SCGN: variants seen among roughly 807,000 people sequenced by gnomAD.
SCGN encodes secretagogin, EF-hand calcium binding protein, also known as secretagogin.
Under a neutral mutation model 39.7 loss-of-function variants are expected in SCGN, and 30 were observed. That is an observed-to-expected ratio of 0.76 (90% CI 0.57 to 1.03). The LOEUF (loss-of-function observed/expected upper bound fraction) is 1.03, where lower values mean the gene tolerates loss of function less well. SCGN is among the 50% of genes least tolerant of loss of function. The probability of loss-of-function intolerance (pLI) is 0.00; values close to 1 mark genes in which losing one functional copy is unlikely to be tolerated. For synonymous variants in SCGN, 106 were observed against 114.1 expected, an observed-to-expected ratio of 0.93 and a Z score of 0.45; for missense variants, 353 against 349.4, an observed-to-expected ratio of 1.01 and a Z score of -0.08.
At chr6:25,669,909 C>A in intron 5 of SCGN, 90 bp from the exon 6 acceptor site, 1 of 1,025,492 alleles carries the variant, frequency 9.8e-7, no homozygotes, top group South Asian at 1.4e-5. Context: ...TGGAAACAAG[C>A]AACTCACAAT....
At chr6:25,661,731 T>G in intron 3 of SCGN, 87 bp downstream of exon 3, 1 of 867,578 alleles carries the variant, frequency 1.2e-6, no homozygotes, top group Non-Finnish European at 1.8e-6. Context: ...TAATATTCTT[T>G]GAAAGACAAT....
chr6:25,689,475 T>G lies in SCGN; in HGVS notation c.576T>G (p.Ala192=). 1 of 1,613,052 alleles carries G rather than the reference T, an allele frequency of 6.2e-7. No homozygotes were observed. The highest frequency in any genetic ancestry group is 8.5e-7 in the Non-Finnish European group (1 of 1,179,018). The change falls in exon 9 of 11, where the codon GCT becomes GCG. Residue 192 remains alanine (A), a splice_region_variant and synonymous_variant. Transcript: ENST00000377961. ...ENFLLQFKMD[A]CSTEERKRDF... is the part of the protein sequence containing the mutation. ...CATAATGTTTTTTCCTTACACAGGC[T>G]TGTTCTACTGAAGAAAGGAAAAGGG...
intron 3 of SCGN, among the ~76,000 whole-genome samples, chr6:25,661,954 T>G (rs947601997): frequency 1.3e-5 from 2 of 152,200 alleles, no homozygotes; most frequent in Non-Finnish European, 2.9e-5. Context: ...TGATCTACTA[T>G]TTGTCTCTTT....
chr6:25,666,528 C>A (rs1760428026), intron 4 of SCGN, among the ~76,000 whole-genome samples: 1 of 152,130 alleles, frequency 6.6e-6, no homozygotes. Context: ...ATGATATATT[C>A]ATATAATTCA....
chr6:25,669,984 C>T lies in SCGN; in HGVS notation c.394-15C>T. 6.2e-7 allele frequency: 1 copy of T among 1,608,344 alleles called. No individual in the cohort carries two copies. ...GCTCACTATATAAAGTATGATTCTT[C>T]TCTTGGCGCCACAGAACTTCCTCCG... On this transcript the variant is annotated splice_polypyrimidine_tract_variant and intron_variant, in intron 5 of 10. Transcript: ENST00000377961.
intron 6 of SCGN, among the ~76,000 whole-genome samples, chr6:25,677,143 C>T (rs1236551952): frequency 1.3e-5 from 2 of 152,082 alleles, no homozygotes; most frequent in South Asian, 4.2e-4. Context: ...ACAATGTCTT[C>T]CTCTCTTCTC....
At chr6:25,688,358 G>A (rs1759731298) in intron 7 of SCGN, among the ~76,000 whole-genome samples, 1 of 152,158 alleles carries the variant, frequency 6.6e-6, no homozygotes, top group African/African-American at 2.4e-5. Context: ...TGAAGTCTCT[G>A]CTAGGTTAGT....
chr6:25,690,494 G>C (rs1759761738), intron 9 of SCGN, among the ~76,000 whole-genome samples: 1 of 152,090 alleles, frequency 6.6e-6, no homozygotes, highest in South Asian at 2.1e-4. Context: ...TGGAACTTTA[G>C]AGAAGAAACA....
intron 3 of SCGN, among the ~76,000 whole-genome samples, chr6:25,663,358 G>A (rs776338546): frequency 6.6e-6 from 1 of 152,194 alleles, no homozygotes; most frequent in Non-Finnish European, 1.5e-5. Context: ...GTAGGTTGAT[G>A]GGAAAAGCAT....
chr6:25,665,635 C>T (rs1324258919), intron 4 of SCGN, among the ~76,000 whole-genome samples: 1 of 152,130 alleles, frequency 6.6e-6, no homozygotes, highest in Non-Finnish European at 1.5e-5. Flanking sequence ...TGAAAAACAA[C>T]CAGGGAAGGG....
intron 6 of SCGN, among the ~76,000 whole-genome samples, chr6:25,677,826 A>G (rs1759585019): frequency 6.6e-6 from 1 of 152,310 alleles, no homozygotes; most frequent in Admixed American, 6.5e-5. Context: ...AAAATTCTTC[A>G]CTAAGAATTG....
At chr6:25,669,474 T>C in intron 4 of SCGN, 37 bp from the exon 5 acceptor site, 1 of 1,559,504 alleles carries the variant, frequency 6.4e-7, no homozygotes, top group Non-Finnish European at 8.8e-7. Flanking sequence ...CCAAGTTATC[T>C]GAGGATAAAT....
At chr6:25,669,696 T>C (rs937260997) in intron 5 of SCGN, 129 bp downstream of exon 5, 1 of 715,494 alleles carries the variant, frequency 1.4e-6, no homozygotes, top group Non-Finnish European at 2.4e-6. Flanking sequence ...TACATACATA[T>C]GTACATATAT....
rs114769262 is a variant in SCGN, at chr6:25,669,167, T to C, written c.337-344T>C. ...TGCTGCATTTTTAGGTATTTAGTAC[T>C]GAGGAGGCTTCTTAGTTTGTCATAT... is the stretch of plus-strand genomic sequence containing the variant. On this transcript the variant is annotated intron_variant, in intron 4 of 10. Transcript: ENST00000377961. Among the ~76,000 whole-genome samples, 1,361 of 152,170 alleles carry C rather than the reference T, an allele frequency of 8.9e-3. 17 individuals are homozygous for C. Among genetic ancestry groups the C allele is most frequent in the African/African-American group, 0.03 (1,228 of 41,498 alleles).
intron 10 of SCGN, among the ~76,000 whole-genome samples, chr6:25,695,784 G>A (rs1759829950): frequency 6.6e-6 from 1 of 152,094 alleles, no homozygotes; most frequent in African/African-American, 2.4e-5. Flanking sequence ...GCCCACCTTG[G>A]CCTCCCAAAA....
At position 25,652,305 on chromosome 6, in the gene SCGN, A is replaced by G; in HGVS notation, c.-99A>G. On this transcript the variant is annotated 5_prime_UTR_variant, in exon 1 of 11. Transcript: ENST00000377961. ...GTTACTCAAAGCTAATCAGATAGCG[A>G]AAGAAGCAGGAGAGCAAGTCAAGAA... 1.1e-6 allele frequency: 1 copy of G among 933,102 alleles called. No homozygotes were observed. The allele number at this position is 933,102 out of a possible 1,614,324, so 57.8% of individuals were successfully genotyped here. A position where few individuals can be genotyped will look rare whatever the true frequency, so the allele number is the denominator to read the frequency against.
intron 4 of SCGN, among the ~76,000 whole-genome samples, 179 bp downstream of exon 4, chr6:25,665,211 G>A (rs750861530): frequency 6.6e-6 from 1 of 152,090 alleles, no homozygotes; most frequent in African/African-American, 2.4e-5. Flanking sequence ...CCCAGTGTTC[G>A]CTCAGTATTG....
chr6:25,660,320 C>T (rs1173842522), intron 2 of SCGN, among the ~76,000 whole-genome samples: 1 of 152,162 alleles, frequency 6.6e-6, no homozygotes, highest in African/African-American at 2.4e-5. Context: ...GGAGAGGTCT[C>T]AGTGGAAAGG....
At chr6:25,654,001 C>T (rs72838853) in intron 2 of SCGN, among the ~76,000 whole-genome samples, 1 of 152,102 alleles carries the variant, frequency 6.6e-6, no homozygotes, top group East Asian at 1.9e-4. Flanking sequence ...TATCTAGTGT[C>T]CATCTGATGG....
Sources: allele counts gnomAD v4.1 joint callset (sites outside exome capture counted in the v4.1 genomes callset), GRCh38; gene constraint gnomAD v4.1.1; transcripts MANE v1.5; gene names NCBI Gene and HGNC (gene_info 2026-07-23, HGNC 2026-07-21).